Variants in EFCAB6 observed in about 807,000 individuals in gnomAD.
The protein encoded by EFCAB6 is EF-hand calcium binding domain 6.
In EFCAB6, 156 loss-of-function variants were observed where a neutral mutation model predicts 169.8. The observed-to-expected ratio is 0.92, with a 90% CI of 0.81 to 1.05. The LOEUF (loss-of-function observed/expected upper bound fraction) is 1.05, where lower values mean the gene tolerates loss of function less well. EFCAB6 is among the 50% of genes least tolerant of loss of function. EFCAB6 has a pLI of 0.00. For synonymous variants in EFCAB6, 698 were observed against 676.4 expected (o/e 1.03, Z -0.50); for missense variants, 1,800 against 1,829.1 (o/e 0.98, Z 0.29).
At chr22:43,710,632 TAA>T (rs2059126091) in intron 10 of EFCAB6, among the ~76,000 whole-genome samples, 1 of 152,180 alleles carries the variant, frequency 6.6e-6, no homozygotes, top group Non-Finnish European at 1.5e-5. Flanking sequence ...CTCCAACCAG[TAA>T]GAGAAGAAGA....
intron 23 of EFCAB6, among the ~76,000 whole-genome samples, chr22:43,597,323 G>A (rs1390336696): frequency 6.6e-6 from 1 of 152,174 alleles, no homozygotes; most frequent in African/African-American, 2.4e-5. Context: ...CTGAGTGGGA[G>A]AAGATATTTA....
chr22:43,679,247 A>G (rs1326476676), intron 12 of EFCAB6, among the ~76,000 whole-genome samples: 1 of 152,230 alleles, frequency 6.6e-6, no homozygotes, highest in Admixed American at 6.5e-5. Context: ...AGAATCATAA[A>G]TACATGGTTT....
Position 43,537,345 on chromosome 22 carries a change from C to A in EFCAB6, c.4048+32G>T. The A allele has an allele frequency of 6.2e-7, 1 of 1,610,206 alleles. No homozygotes were observed. The highest frequency in any genetic ancestry group is 8.5e-7 in the Non-Finnish European group (1 of 1,177,462). On this transcript the variant is annotated intron_variant, in intron 29 of 31. Transcript: ENST00000262726. This position sits in a 1 kb window ranked among gnomAD's most constrained non-coding sequence, Gnocchi z 4.3. ...AGCCTCTTGCCACAGGGGCTGACCA[C>A]ATATTACCAAGCAGATAGAATCTGA...
At chr22:43,748,199 G>A (rs2060632001) in intron 6 of EFCAB6, among the ~76,000 whole-genome samples, 1 of 152,160 alleles carries the variant, frequency 6.6e-6, no homozygotes, top group African/African-American at 2.4e-5. Context: ...GCTGCTGACA[G>A]CACTCTCCTA....
chr22:43,635,713 C>T (rs1438237874), intron 17 of EFCAB6, among the ~76,000 whole-genome samples: 2 of 152,152 alleles, frequency 1.3e-5, no homozygotes, highest in African/African-American at 4.8e-5. Flanking sequence ...CATGAATGCT[C>T]TTTTTTCTTC....
chr22:43,531,239 C>G (rs543930337), intron 30 of EFCAB6, among the ~76,000 whole-genome samples: 5 of 152,200 alleles, frequency 3.3e-5, no homozygotes, highest in African/African-American at 9.6e-5. Context: ...AGGCAGGTCT[C>G]TATCCCCACT....
intron 18 of EFCAB6, among the ~76,000 whole-genome samples, chr22:43,633,314 C>T (rs945663702): frequency 2.0e-5 from 3 of 152,196 alleles, no homozygotes; most frequent in Non-Finnish European, 4.4e-5. Context: ...CTTTGGGAGG[C>T]CAAGGTGGGC....
intron 26 of EFCAB6, among the ~76,000 whole-genome samples, chr22:43,563,624 C>T (rs1185510793): frequency 2.6e-5 from 4 of 152,214 alleles, no homozygotes; most frequent in Non-Finnish European, 4.4e-5. Context: ...GGGATTTCAC[C>T]AACACAACCC....
intron 12 of EFCAB6, among the ~76,000 whole-genome samples, chr22:43,680,903 G>A (rs562573537): frequency 6.6e-6 from 1 of 152,300 alleles, no homozygotes; most frequent in African/African-American, 2.4e-5. Flanking sequence ...TGTATCGTCT[G>A]TGTACAAAGA....
At chr22:43,610,729 TA>T (rs767349954) in intron 21 of EFCAB6, among the ~76,000 whole-genome samples, 46 of 151,696 alleles carry the variant, frequency 3.0e-4, no homozygotes, top group South Asian at 1.0e-3. Flanking sequence ...AGTCATAACT[TA>T]AAAAAAAATT....
At chr22:43,656,254 G>C (rs1285090538) in intron 17 of EFCAB6, among the ~76,000 whole-genome samples, 1 of 152,126 alleles carries the variant, frequency 6.6e-6, no homozygotes, top group African/African-American at 2.4e-5. Context: ...GCCAGGTGTG[G>C]TGGTGTATGC....
chr22:43,759,249 A>G (rs533652254), intron 5 of EFCAB6: 2 of 152,362 alleles, frequency 1.3e-5, no homozygotes, highest in Admixed American at 6.5e-5. Flanking sequence ...CTAGACTGCC[A>G]AAGAATCTTG....
chr22:43,540,065 C>CCAA, intron 28 of EFCAB6, 62 bp downstream of exon 28: 1 of 1,579,294 alleles, frequency 6.3e-7, no homozygotes, highest in Non-Finnish European at 8.7e-7. Context: ...AAAGTCCCCC[C>CCAA]AGTGGGATTT....
chr22:43,750,676 A>G (rs2060726524), intron 6 of EFCAB6, among the ~76,000 whole-genome samples: 2 of 152,208 alleles, frequency 1.3e-5, no homozygotes, highest in South Asian at 2.1e-4. Flanking sequence ...ATTCCTGTCT[A>G]TTCATTCATG....
chr22:43,679,720 G>C (rs546380529), intron 12 of EFCAB6, among the ~76,000 whole-genome samples: 1 of 152,084 alleles, frequency 6.6e-6, no homozygotes, highest in East Asian at 1.9e-4. Flanking sequence ...AGTTTCTCTA[G>C]TGATCAATAC....
Position 43,667,165 on chromosome 22 carries a change from T to A in EFCAB6, c.1922A>T (p.Lys641Ile). The change falls in exon 17 of 32, where the codon AAA becomes ATA. Residue 641 changes from lysine (K) to isoleucine (I), a missense_variant. By Grantham distance (102) the Lys-to-Ile change is moderately radical. Transcript: ENST00000262726. ...CTCCTTGCTGAAGTCAAGAAATCGT[T>A]TTTTGAATGCCGGGTCCTGCTGCTG... The part of the protein sequence containing the change: ...CIQQQDPAFK[K>I]RFLDFSKEPN... 6.2e-7 allele frequency: 1 copy of A among 1,614,150 alleles called. No homozygotes were observed. The highest frequency in any genetic ancestry group is 8.5e-7 in the Non-Finnish European group (1 of 1,180,002).
intron 30 of EFCAB6, among the ~76,000 whole-genome samples, chr22:43,532,843 G>C (rs1014603586): frequency 6.6e-6 from 1 of 152,250 alleles, no homozygotes; most frequent in Non-Finnish European, 1.5e-5. Flanking sequence ...GGTGGGGCCA[G>C]GGCCAGGGCT....
intron 10 of EFCAB6, among the ~76,000 whole-genome samples, chr22:43,706,193 A>G (rs978544357): frequency 6.6e-6 from 1 of 152,208 alleles, no homozygotes; most frequent in African/African-American, 2.4e-5. Flanking sequence ...GGCTCCAGGA[A>G]CACTGGCTTC....
intron 17 of EFCAB6, among the ~76,000 whole-genome samples, chr22:43,662,204 T>TAAC (rs892112990): frequency 6.9e-6 from 1 of 144,146 alleles, no homozygotes; most frequent in Non-Finnish European, 1.5e-5. Flanking sequence ...ATAATAATAA[T>TAAC]TTATAGAGTA....
Sources: allele counts gnomAD v4.1 joint callset (sites outside exome capture counted in the v4.1 genomes callset), GRCh38; gene constraint gnomAD v4.1.1; non-coding constraint Gnocchi (gnomAD v3.1); transcripts MANE v1.5; gene names NCBI Gene and HGNC (gene_info 2026-07-23, HGNC 2026-07-21).